Variants in YIF1A observed in about 807,000 individuals in gnomAD.
The protein encoded by YIF1A is protein YIF1A.
In YIF1A, 28 loss-of-function variants were observed where a neutral mutation model predicts 32.6. That is an observed-to-expected ratio of 0.86 (90% CI 0.64 to 1.18). The LOEUF (loss-of-function observed/expected upper bound fraction) is 1.18, where lower values mean the gene tolerates loss of function less well. Among genes scored for constraint, YIF1A ranks in the 50% most tolerant of loss-of-function variants. The probability of loss-of-function intolerance (pLI) is 0.00; values close to 1 mark genes in which losing one functional copy is unlikely to be tolerated. For missense variants in YIF1A, 373 were observed against 390.8 expected (o/e 0.95, Z 0.38); for synonymous variants, 175 against 162.2 (o/e 1.08, Z -0.60).
At chr11:66,288,876 A>C (rs1857407910) in intron 1 of YIF1A, 79 bp downstream of exon 1, 1 of 1,403,384 alleles carries the variant, frequency 7.1e-7, no homozygotes, top group African/African-American at 1.5e-5. Flanking sequence ...CCCAGTCGCT[A>C]TCTCCCTCGG....
chr11:66,287,743 G>T lies in YIF1A; in HGVS notation c.349-67C>A. 3 of 1,601,262 alleles carry T rather than the reference G, an allele frequency of 1.9e-6. No individual in the cohort carries two copies. In the South Asian group the frequency reaches 3.3e-5, roughly 18 times the overall value. ...AGAAGAGAAAAGAGGAGAGAAGGGG[G>T]TTGAGGTCTGGGGGCCAGACTCGGG... On this transcript the variant is annotated intron_variant, in intron 3 of 7. Coordinates refer to ENST00000376901, the MANE Select transcript of YIF1A (RefSeq NM_020470.3).
chr11:66,285,281 A>C, intron 6 of YIF1A, 100 bp downstream of exon 6: 1 of 1,509,742 alleles, frequency 6.6e-7, no homozygotes, highest in Non-Finnish European at 9.0e-7. Flanking sequence ...GCAGTGCTAG[A>C]GGTCACTAGG....
chr11:66,289,118 G>T lies in YIF1A; in HGVS notation c.-133C>A, dbSNP rs1857415476. 1 of 1,309,090 alleles carries T rather than the reference G, an allele frequency of 7.6e-7. No individual in the cohort carries two copies. Among genetic ancestry groups the T allele is most frequent in the Non-Finnish European group, 9.9e-7 (1 of 1,006,634 alleles). The allele number at this position is 1,309,090 out of a possible 1,614,324, so 81.1% of individuals were successfully genotyped here. A position where few individuals can be genotyped will look rare whatever the true frequency, so the allele number is the denominator to read the frequency against. On this transcript the variant is annotated 5_prime_UTR_variant, in exon 1 of 8. Coordinates refer to ENST00000376901, the MANE Select transcript of YIF1A (RefSeq NM_020470.3). ...GCGCGACACGTCCCCCACCCCGCCG[G>T]TCTCGGCCACCATGTCCGTGGCGTC...
chr11:66,286,639 A>AG (rs933170803), intron 4 of YIF1A, among the ~76,000 whole-genome samples: 3 of 152,076 alleles, frequency 2.0e-5, no homozygotes, highest in African/African-American at 7.2e-5. Flanking sequence ...AAGAAGAAGA[A>AG]AAAAAAAGCA....
chr11:66,285,610 A>C, intron 5 of YIF1A, 74 bp from the exon 6 acceptor site: 1 of 1,610,552 alleles, frequency 6.2e-7, no homozygotes, highest in Non-Finnish European at 8.5e-7. Flanking sequence ...GGGGCAACAG[A>C]GGGTGAGCTG....
Position 66,288,252 on chromosome 11 carries a change from G to C in YIF1A, c.72C>G (p.Pro24=), listed in dbSNP as rs748947346. 1.2e-6 allele frequency: 2 copies of C among 1,614,022 alleles called. No homozygotes were observed. The highest frequency in any genetic ancestry group is 1.7e-6 in the Non-Finnish European group (2 of 1,180,052). The change falls in exon 2 of 8, where the codon CCC becomes CCG. Residue 24 remains proline, a synonymous_variant. Coordinates refer to ENST00000376901, the MANE Select transcript of YIF1A (RefSeq NM_020470.3). ...HRARAAPDPP[P]LFDDTSGGYS... The stretch of plus-strand genomic sequence containing the variant: ...AACCACCGCTTGTGTCATCGAAGAG[G>C]GGAGGGGGATCCGGGGCTGCCCGGG...
rs749312731 is a variant in YIF1A, at chr11:66,287,635, G to A, written c.390C>T (p.Pro130=). The A allele has an allele frequency of 9.3e-6, 15 of 1,613,690 alleles. No homozygotes were observed. The highest frequency in any genetic ancestry group is 1.2e-5 in the Non-Finnish European group (14 of 1,179,976). ...VQYSRDAPLP[P]RQDLNAPDLY... ...GGTCAGGGGCGTTGAGGTCTTGCCG[G>A]GGGGGCAGAGGAGCATCACGACTGT... Residue 130 remains proline (P), a synonymous_variant, in exon 4 of 8, where the codon CCC becomes CCT. Coordinates refer to ENST00000376901, the MANE Select transcript of YIF1A (RefSeq NM_020470.3).
intron 4 of YIF1A, among the ~76,000 whole-genome samples, chr11:66,286,168 G>T (rs1266408912): frequency 6.6e-6 from 1 of 152,262 alleles, no homozygotes; most frequent in Admixed American, 6.5e-5. Flanking sequence ...CCTCACCGCA[G>T]TCAGCAATTC....
intron 6 of YIF1A, 39 bp from the exon 7 acceptor site, chr11:66,285,005 G>A (rs1297050458): frequency 6.2e-7 from 1 of 1,605,094 alleles, no homozygotes; most frequent in African/African-American, 1.3e-5. Flanking sequence ...GACCCCCAGG[G>A]GTCTAGGCCT....
At chr11:66,287,391 C>T (rs1052353231) in intron 4 of YIF1A, 3 of 615,626 alleles carry the variant, frequency 4.9e-6, no homozygotes, top group Non-Finnish European at 8.9e-6. Flanking sequence ...AAAAGGGTGT[C>T]CTGGGGACAC....
Position 66,288,108 on chromosome 11 carries a change from G to A in YIF1A, c.216C>T (p.Ser72=). The A allele has an allele frequency of 1.2e-6, 2 of 1,613,886 alleles. No homozygotes were observed. Among genetic ancestry groups the A allele is most frequent in the Non-Finnish European group, 1.7e-6 (2 of 1,179,996 alleles). ...CCTTGTGCACCATGTCCTTCCCATG[G>A]GATGCGATGGAGCTGCCATAGGCCA... The part of the protein sequence containing the change: ...VAMAYGSSIA[S]HGKDMVHKEL... Residue 72 remains serine (S), a synonymous_variant, in exon 2 of 8, where the codon TCC becomes TCT. Transcript: ENST00000376901.
Position 66,287,914 on chromosome 11 carries a change from C to G in YIF1A, c.246G>C (p.Leu82=). ...SHGKDMVHKE[L]HRFVSVSKLK... ...GTTTGCTCACAGACACAAAACGGTG[C>G]AGCTGGGAGGGGAGAGAGGAAGCTG... Residue 82 remains leucine (L), a splice_region_variant and synonymous_variant, in exon 3 of 8, where the codon CTG becomes CTC. Coordinates refer to ENST00000376901, the MANE Select transcript of YIF1A (RefSeq NM_020470.3). 1 of 1,613,108 alleles carries G rather than the reference C, an allele frequency of 6.2e-7. No homozygotes were observed. The highest frequency in any genetic ancestry group is 2.2e-5 in the East Asian group (1 of 44,888).
In YIF1A at chr11:66,289,132, G is replaced by C; in HGVS notation, c.-147C>G. ...CCACCCCGCCGGTCTCGGCCACCAT[G>C]TCCGTGGCGTCATCCCCCGCGCCTG... On this transcript the variant is annotated 5_prime_UTR_variant, in exon 1 of 8. Coordinates refer to ENST00000376901, the MANE Select transcript of YIF1A (RefSeq NM_020470.3). 8.2e-7 allele frequency: 1 copy of C among 1,218,514 alleles called. No homozygotes were observed. The highest frequency in any genetic ancestry group is 1.8e-5 in the South Asian group (1 of 56,174). The allele number at this position is 1,218,514 out of a possible 1,614,324, so 75.5% of individuals were successfully genotyped here.
chr11:66,285,302 T>C, intron 6 of YIF1A, 79 bp downstream of exon 6: 5 of 1,555,840 alleles, frequency 3.2e-6, no homozygotes, highest in South Asian at 2.4e-5. Flanking sequence ...GGCCGAGACA[T>C]GTCCAGGGTC....
rs779694835 is a variant in YIF1A at position 66,285,700 on chromosome 11, C to A, written c.485+1G>T. 3.3e-5 allele frequency: 53 copies of A among 1,613,262 alleles called. No homozygotes were observed. The highest frequency in any genetic ancestry group is 3.3e-4 in the Middle Eastern group (2 of 5,980). ...GGGTAAGGGAGGGGCTTGGCACTGA[C>A]CTTTTCTGAATGCCCAGTGCCATCC... On this transcript the variant is annotated splice_donor_variant, in intron 5 of 7. Coordinates refer to ENST00000376901, the MANE Select transcript of YIF1A (RefSeq NM_020470.3). LOFTEE classifies it high-confidence loss of function.
chr11:66,288,428 G>C, intron 1 of YIF1A, 136 bp from the exon 2 acceptor site: 1 of 980,458 alleles, frequency 1.0e-6, no homozygotes, highest in Non-Finnish European at 1.5e-6. Context: ...GCTGGGTGAG[G>C]GGGAGCTAAC....
Position 66,289,005 on chromosome 11 carries a change from C to G in YIF1A, c.-20G>C. On this transcript the variant is annotated 5_prime_UTR_variant, in exon 1 of 8. Transcript: ENST00000376901. ...AGCCATGGCCGCGACGCTCGCTGTC[C>G]CCGAGGGCCCGCTGCGCCGCCTCGT... 6.3e-7 allele frequency: 1 copy of G among 1,577,160 alleles called. No individual in the cohort carries two copies. Among genetic ancestry groups the G allele is most frequent in the Non-Finnish European group, 8.5e-7 (1 of 1,169,826 alleles).
chr11:66,286,875 C>T (rs1324759128), intron 4 of YIF1A: 2 of 152,832 alleles, frequency 1.3e-5, no homozygotes, highest in Admixed American at 1.3e-4. Context: ...GGCTGCCTGC[C>T]CTCAGTCCCA....
intron 5 of YIF1A, 58 bp from the exon 6 acceptor site, chr11:66,285,594 G>A (rs773820851): frequency 4.3e-6 from 7 of 1,611,436 alleles, no homozygotes; most frequent in Non-Finnish European, 5.9e-6. Context: ...GTGAGGAAGA[G>A]AGACTGGGGC....
Sources: allele counts gnomAD v4.1 joint callset (sites outside exome capture counted in the v4.1 genomes callset), GRCh38; gene constraint gnomAD v4.1.1; transcripts MANE v1.5; gene names NCBI Gene and HGNC (gene_info 2026-07-23, HGNC 2026-07-21).